The following NTN1 variants were observed in gnomAD, a reference collection of about 807,000 sequenced individuals.
NTN1 encodes netrin-1.
Under a neutral mutation model 54.2 loss-of-function variants are expected in NTN1, and 11 were observed. The observed-to-expected ratio is 0.20, with a 90% CI of 0.13 to 0.34. NTN1 has a LOEUF of 0.34. Among genes scored for constraint, NTN1 ranks in the 10% least tolerant of loss-of-function variants. The pLI, the probability that NTN1 is intolerant of heterozygous loss-of-function variation, is 1.00. For missense variants in NTN1, 740 were observed against 893.1 expected, an observed-to-expected ratio of 0.83 and a Z score of 2.18; for synonymous variants, 371 against 382.0, an observed-to-expected ratio of 0.97 and a Z score of 0.33.
At chr17:9,113,977 A>T (rs2142254614) in intron 2 of NTN1, among the ~76,000 whole-genome samples, 1 of 151,574 alleles carries the variant, frequency 6.6e-6, no homozygotes, top group East Asian at 1.9e-4. Flanking sequence ...AGCCTGGCCA[A>T]CATAGTGAAA....
At chr17:9,222,587 AAG>A (rs1491437322) in intron 6 of NTN1, among the ~76,000 whole-genome samples, 6 of 152,268 alleles carry the variant, frequency 3.9e-5, no homozygotes, top group East Asian at 1.9e-4. Flanking sequence ...CTGGTGAGGA[AAG>A]AGGAGGAGGG....
chr17:9,116,696 G>A (rs929429564), intron 2 of NTN1, among the ~76,000 whole-genome samples: 1 of 152,168 alleles, frequency 6.6e-6, no homozygotes, highest in African/African-American at 2.4e-5. Flanking sequence ...GCTTCCAATT[G>A]CCTCTCAGTA....
chr17:9,189,996 A>G (rs1413985309), intron 5 of NTN1, among the ~76,000 whole-genome samples: 1 of 152,226 alleles, frequency 6.6e-6, no homozygotes, highest in Non-Finnish European at 1.5e-5. Flanking sequence ...AAGAAACCCA[A>G]AACCCCCACT....
chr17:9,010,185 CAGA>C, the NTN1 span, among the ~76,000 whole-genome samples: 1 of 152,202 alleles, frequency 6.6e-6, no homozygotes, highest in Non-Finnish European at 1.5e-5. Context: ...CCTGGAAGAA[CAGA>C]AGATGTCTGA....
chr17:9,139,544 C>G (rs1035342987), intron 2 of NTN1, among the ~76,000 whole-genome samples: 1 of 152,136 alleles, frequency 6.6e-6, no homozygotes, highest in African/African-American at 2.4e-5. Context: ...CAATGATTTC[C>G]TCATCATCTC....
intron 4 of NTN1, among the ~76,000 whole-genome samples, chr17:9,180,305 CTGG>C (rs1435211203): frequency 1.3e-5 from 2 of 152,242 alleles, no homozygotes; most frequent in Admixed American, 1.3e-4. Flanking sequence ...TCCCAAAGCG[CTGG>C]GATTAGAGGC....
intron 5 of NTN1, among the ~76,000 whole-genome samples, chr17:9,214,194 ATTATTTCTT>A (rs913924379): frequency 2.6e-5 from 4 of 152,002 alleles, no homozygotes; most frequent in Admixed American, 1.3e-4. Context: ...ATTTATTTTC[ATTATTTCTT>A]CTTTAATAAC....
intron 2 of NTN1, among the ~76,000 whole-genome samples, chr17:9,155,676 C>T (rs1164886266): frequency 1.3e-5 from 2 of 152,210 alleles, no homozygotes; most frequent in Non-Finnish European, 2.9e-5. Context: ...AGAGTTTGCA[C>T]TTAGAGAACA....
chr17:9,077,568 A>G (rs2092055213), intron 2 of NTN1, among the ~76,000 whole-genome samples: 1 of 152,226 alleles, frequency 6.6e-6, no homozygotes, highest in Non-Finnish European at 1.5e-5. Flanking sequence ...AAATCAGCTA[A>G]GGCAAAGAGG....
intron 2 of NTN1, among the ~76,000 whole-genome samples, chr17:9,140,366 AAAC>A (rs1318585132): frequency 1.3e-5 from 2 of 152,206 alleles, no homozygotes; most frequent in African/African-American, 4.8e-5. Context: ...TTGCCTCTGA[AAAC>A]AACAGAAGGA....
Position 9,240,919 on chromosome 17 carries a change from T to TA in NTN1, c.*952dup, listed in dbSNP as rs1263756603. The stretch of plus-strand genomic sequence containing the variant: ...TTGGAAACTTGGAACCAGCCCTTTT[T>TA]ATGACGTTTTCCAGGGGGAGGGGGA... On this transcript the variant is annotated 3_prime_UTR_variant, in exon 7 of 7. Transcript: ENST00000173229. The TA allele has an allele frequency of 6.6e-6, 1 of 152,278 alleles. No homozygotes were observed. Among genetic ancestry groups the TA allele is most frequent in the African/African-American group, 2.4e-5 (1 of 41,446 alleles). 9.4% of individuals were successfully genotyped at this position (152,278 alleles called of 1,614,324 possible). A position where few individuals can be genotyped will look rare whatever the true frequency, so the allele number is the denominator to read the frequency against.
chr17:9,184,881 G>T (rs959781122), intron 5 of NTN1, among the ~76,000 whole-genome samples: 5 of 152,224 alleles, frequency 3.3e-5, no homozygotes, highest in African/African-American at 9.7e-5. Context: ...AAAAGATTCC[G>T]GAGCAGCCGC....
chr17:9,202,029 T>TACACAC (rs1200661283), intron 5 of NTN1, among the ~76,000 whole-genome samples: 1,539 of 26,786 alleles, frequency 0.057, 111 homozygotes, highest in East Asian at 0.065. Context: ...CTACTAAAAA[T>TACACAC]ACACACACAC....
chr17:9,050,622 T>C (rs1016206033), intron 2 of NTN1, among the ~76,000 whole-genome samples: 6 of 143,022 alleles, frequency 4.2e-5, no homozygotes, highest in Admixed American at 1.4e-4. Context: ...TGAGCTGAGA[T>C]TGCGCCACTG....
intron 2 of NTN1, among the ~76,000 whole-genome samples, chr17:9,131,430 TGCTG>T (rs1360574818): frequency 6.6e-6 from 1 of 152,168 alleles, no homozygotes; most frequent in African/African-American, 2.4e-5. Context: ...GAGAAATATT[TGCTG>T]AATGAATGAA....
At chr17:9,210,446 A>ACACC (rs1251425364) in intron 5 of NTN1, among the ~76,000 whole-genome samples, 5 of 22,830 alleles carry the variant, frequency 2.2e-4, no homozygotes, top group African/African-American at 6.9e-4. Context: ...CCCCACACCC[A>ACACC]CACACACACA....
intron 2 of NTN1, among the ~76,000 whole-genome samples, chr17:9,072,694 G>A (rs920599598): frequency 1.1e-4 from 17 of 152,162 alleles, no homozygotes; most frequent in African/African-American, 3.9e-4. Context: ...GAATAAGCGG[G>A]AGGAGAAGAT....
chr17:9,089,197 G>A (rs532628396), intron 2 of NTN1, among the ~76,000 whole-genome samples: 13 of 152,250 alleles, frequency 8.5e-5, no homozygotes, highest in South Asian at 2.1e-4. Context: ...TGGATCACCC[G>A]AGTTCAGGAG....
At position 9,182,977 on chromosome 17, in the gene NTN1, G is replaced by A. The variant is rs374154654; in HGVS notation, c.1411+8G>A. ...GCGTGGAGGAGCCTGAAGGTAAACG[G>A]CCCCCTTCGCTTCTCATTTCCCGCT... On this transcript the variant is annotated splice_region_variant and intron_variant, in intron 5 of 6. Transcript: ENST00000173229. 12 of 1,612,968 alleles carry A rather than the reference G, an allele frequency of 7.4e-6. No individual in the cohort carries two copies. In the South Asian group the frequency reaches 1.2e-4, roughly 16 times the overall value.
Sources: allele counts gnomAD v4.1 joint callset (sites outside exome capture counted in the v4.1 genomes callset), GRCh38; gene constraint gnomAD v4.1.1; transcripts MANE v1.5; gene names NCBI Gene and HGNC (gene_info 2026-07-23, HGNC 2026-07-21).